B3GALT1: variants seen among roughly 807,000 people sequenced by gnomAD.
The protein encoded by B3GALT1 is UDP-Gal:betaGlcNAc beta 1,3-galactosyltransferase, polypeptide 1.
B3GALT1 carries 10 observed loss-of-function variants against 23.2 expected under a neutral mutation model. The ratio of observed to expected loss-of-function variants is 0.43; its 90% CI spans 0.27 to 0.73. The LOEUF is 0.73. B3GALT1 is among the 30% of genes least tolerant of loss of function. B3GALT1 has a pLI of 0.21. For synonymous variants in B3GALT1, 156 were observed against 141.5 expected, an observed-to-expected ratio of 1.10 and a Z score of -0.73; for missense variants, 299 against 405.4, an observed-to-expected ratio of 0.74 and a Z score of 2.25.
chr2:167,588,554 T>A (rs1223701276), intron 2 of B3GALT1, among the ~76,000 whole-genome samples: 1 of 152,114 alleles, frequency 6.6e-6, no homozygotes, highest in African/African-American at 2.4e-5. Flanking sequence ...ATGGTTATTA[T>A]TTTTCTATAT....
chr2:167,774,265 T>C (rs955754380), intron 3 of B3GALT1, among the ~76,000 whole-genome samples: 8 of 152,138 alleles, frequency 5.3e-5, no homozygotes, highest in Admixed American at 5.2e-4. Flanking sequence ...AAGATACATA[T>C]GTATTTAAGA....
At chr2:167,592,163 TTAAA>T (rs1274180909) in intron 2 of B3GALT1, among the ~76,000 whole-genome samples, 1 of 152,214 alleles carries the variant, frequency 6.6e-6, no homozygotes, top group Admixed American at 6.5e-5. Context: ...AACTATGTAC[TTAAA>T]TATGTGTATC....
At chr2:167,822,941 A>C (rs1689139532) in intron 4 of B3GALT1, among the ~76,000 whole-genome samples, 1 of 152,220 alleles carries the variant, frequency 6.6e-6, no homozygotes, top group African/African-American at 2.4e-5. Flanking sequence ...GGACATATAG[A>C]TAGACCGCAT....
intron 2 of B3GALT1, among the ~76,000 whole-genome samples, chr2:167,578,899 T>C (rs564897045): frequency 1.8e-4 from 28 of 152,104 alleles, no homozygotes; most frequent in African/African-American, 6.7e-4. Context: ...AATTCTAATA[T>C]TCAAACCACA....
intron 3 of B3GALT1, among the ~76,000 whole-genome samples, chr2:167,675,236 C>G (rs1195759671): frequency 1.3e-5 from 2 of 152,164 alleles, no homozygotes; most frequent in African/African-American, 4.8e-5. Context: ...CCCATTTCAC[C>G]ATAGTGTAAG....
chr2:167,576,533 TTTTTTTTTTTTG>T (rs1401320048), intron 2 of B3GALT1, among the ~76,000 whole-genome samples: 9 of 134,308 alleles, frequency 6.7e-5, no homozygotes, highest in African/African-American at 2.6e-4. Flanking sequence ...TTTTTTTTTG[TTTTTTTTTTTTG>T]TTTTTTTTTC....
At chr2:167,477,948 T>C (rs1343493482) in intron 1 of B3GALT1, among the ~76,000 whole-genome samples, 1 of 152,238 alleles carries the variant, frequency 6.6e-6, no homozygotes, top group Non-Finnish European at 1.5e-5. Context: ...GGTCTATTTA[T>C]TGTTTCAAAC....
chr2:167,367,345 A>G (rs1267151114), intron 1 of B3GALT1, among the ~76,000 whole-genome samples: 1 of 152,180 alleles, frequency 6.6e-6, no homozygotes, highest in African/African-American at 2.4e-5. Context: ...CCTCAACTAG[A>G]TCTTTCCAGT....
chr2:167,433,105 C>T (rs1001806541), intron 1 of B3GALT1, among the ~76,000 whole-genome samples: 3 of 152,122 alleles, frequency 2.0e-5, no homozygotes, highest in African/African-American at 7.2e-5. Context: ...CTCCTTTTTC[C>T]CAACTCCTGG....
At chr2:167,412,794 A>G (rs1471554581) in intron 1 of B3GALT1, among the ~76,000 whole-genome samples, 4 of 152,150 alleles carry the variant, frequency 2.6e-5, no homozygotes, top group South Asian at 4.1e-4. Context: ...AAGCATATTC[A>G]TGGAATCACT....
intron 2 of B3GALT1, among the ~76,000 whole-genome samples, chr2:167,555,480 C>T (rs568073219): frequency 1.3e-5 from 2 of 152,238 alleles, no homozygotes; most frequent in South Asian, 4.1e-4. Context: ...GCATATAGCT[C>T]AACTACTTGT....
intron 1 of B3GALT1, among the ~76,000 whole-genome samples, chr2:167,406,130 C>T (rs1460648967): frequency 1.3e-5 from 2 of 151,752 alleles, no homozygotes; most frequent in African/African-American, 4.8e-5. Flanking sequence ...AGTGTTTTGA[C>T]CCTACTTTAT....
rs529424077 is a variant in B3GALT1 at position 167,607,222 on chromosome 2, T to C, written c.-409-39687T>C. Among the ~76,000 whole-genome samples the C allele has an allele frequency of 5.8e-4, 89 of 152,344 alleles. No homozygotes were observed. In the Middle Eastern group the frequency reaches 0.017, roughly 29 times the overall value. The stretch of plus-strand genomic sequence containing the variant: ...AAATAAAAAGAAGAGAAAGCCAGGA[T>C]GATCTAACTGCATTGCAATGAGTCC... On this transcript the variant is annotated intron_variant, in intron 2 of 4. Coordinates refer to ENST00000392690, the MANE Select transcript of B3GALT1 (RefSeq NM_020981.4).
At chr2:167,593,013 A>G (rs1357516734) in intron 2 of B3GALT1, among the ~76,000 whole-genome samples, 2 of 152,182 alleles carry the variant, frequency 1.3e-5, no homozygotes, top group Non-Finnish European at 2.9e-5. Flanking sequence ...AAGGTATAGG[A>G]AGACTGTGAA....
chr2:167,748,538 T>G (rs567357842), intron 3 of B3GALT1, among the ~76,000 whole-genome samples: 1 of 152,152 alleles, frequency 6.6e-6, no homozygotes, highest in East Asian at 1.9e-4. Flanking sequence ...CTCACAGTCC[T>G]GTAGGGACTT....
intron 1 of B3GALT1, among the ~76,000 whole-genome samples, chr2:167,357,030 G>GTGTATA (rs1344180992): frequency 6.0e-5 from 9 of 151,068 alleles, no homozygotes; most frequent in African/African-American, 1.9e-4. Context: ...GTGTGTGTGT[G>GTGTATA]TATATATATA....
intron 1 of B3GALT1, among the ~76,000 whole-genome samples, chr2:167,369,918 G>A (rs747721563): frequency 3.9e-5 from 6 of 151,934 alleles, no homozygotes; most frequent in Non-Finnish European, 5.9e-5. Context: ...TTAGGAAGGT[G>A]CTATTTAAAA....
intron 2 of B3GALT1, among the ~76,000 whole-genome samples, chr2:167,574,767 G>T (rs1019100682): frequency 6.6e-6 from 1 of 151,770 alleles, no homozygotes; most frequent in Non-Finnish European, 1.5e-5. Flanking sequence ...TTTGAAGCAA[G>T]ATGACACCAT....
intron 2 of B3GALT1, among the ~76,000 whole-genome samples, chr2:167,553,455 C>T (rs1023417847): frequency 2.0e-5 from 3 of 151,786 alleles, no homozygotes; most frequent in East Asian, 1.9e-4. Context: ...TGTGCAGTGG[C>T]AGATCTCGAT....
Sources: gnomAD v4.1 joint callset for allele counts (sites outside exome capture counted in the v4.1 genomes callset) on GRCh38, gnomAD v4.1.1 for gene constraint, MANE v1.5 for transcripts, NCBI Gene and HGNC (gene_info 2026-07-23, HGNC 2026-07-21) for gene names.